The following TSHZ2 variants were observed in gnomAD, a reference collection of about 807,000 sequenced individuals.
TSHZ2 encodes teashirt homolog 2.
A neutral mutation model predicts 74.4 loss-of-function variants in TSHZ2; 21 were observed. The ratio of observed to expected loss-of-function variants is 0.28; its 90% CI spans 0.20 to 0.41. The LOEUF is 0.41. TSHZ2 is among the 10% of genes least tolerant of loss of function. The pLI, the probability that TSHZ2 is intolerant of heterozygous loss-of-function variation, is 1.00. For synonymous variants in TSHZ2, 540 were observed against 515.3 expected, an observed-to-expected ratio of 1.05 and a Z score of -0.65; for missense variants, 1,244 against 1,293.5, an observed-to-expected ratio of 0.96 and a Z score of 0.59.
chr20:53,332,875 ATGCAAAACCTAC>A (rs1041479393), intron 2 of TSHZ2, among the ~76,000 whole-genome samples: 1 of 152,232 alleles, frequency 6.6e-6, no homozygotes, highest in African/African-American at 2.4e-5. Context: ...GAACACTGGC[ATGCAAAACCTAC>A]TGCATCTGGT....
chr20:53,257,639 C>T (rs1316780120), intron 2 of TSHZ2, among the ~76,000 whole-genome samples: 1 of 152,216 alleles, frequency 6.6e-6, no homozygotes. Flanking sequence ...TTTTCTCTCC[C>T]TTCCAGCATG....
At chr20:53,009,268 G>A (rs915921944) in intron 1 of TSHZ2, among the ~76,000 whole-genome samples, 4 of 152,120 alleles carry the variant, frequency 2.6e-5, no homozygotes, top group African/African-American at 4.8e-5. Context: ...AATCAGGGAG[G>A]TTGAGGCTGC....
At chr20:53,230,561 A>G (rs183996104) in intron 1 of TSHZ2, among the ~76,000 whole-genome samples, 1 of 152,298 alleles carries the variant, frequency 6.6e-6, no homozygotes, top group East Asian at 1.9e-4. Context: ...GTTTTCTGTA[A>G]GCAAGAAGGG....
chr20:53,435,599 T>C (rs1038339292), intron 2 of TSHZ2, among the ~76,000 whole-genome samples: 26 of 152,276 alleles, frequency 1.7e-4, no homozygotes, highest in African/African-American at 4.3e-4. Context: ...CTGCAACCTC[T>C]GCCTCCCAGG....
At chr20:53,217,245 A>G (rs960641539) in intron 1 of TSHZ2, among the ~76,000 whole-genome samples, 8 of 152,112 alleles carry the variant, frequency 5.3e-5, no homozygotes, top group African/African-American at 1.9e-4. Context: ...CGATGCCAGC[A>G]CCTGCAGCCT....
At chr20:53,106,615 A>C (rs1600693065) in intron 1 of TSHZ2, among the ~76,000 whole-genome samples, 1 of 150,506 alleles carries the variant, frequency 6.6e-6, no homozygotes. Flanking sequence ...CATGTTAGCC[A>C]GGAGGGTCTC....
At chr20:53,288,265 G>A (rs538158623) in intron 2 of TSHZ2, among the ~76,000 whole-genome samples, 2 of 152,160 alleles carry the variant, frequency 1.3e-5, no homozygotes, top group Admixed American at 6.5e-5. Context: ...TTAGCCAGGT[G>A]TGGTGGCAGA....
chr20:53,447,801 C>CTCGG (rs1477718582), intron 2 of TSHZ2, among the ~76,000 whole-genome samples: 2 of 152,194 alleles, frequency 1.3e-5, no homozygotes, highest in African/African-American at 4.8e-5. Context: ...GTGCTCTCTC[C>CTCGG]TCGGTGCCTC....
At position 52,972,546 on chromosome 20, in the gene TSHZ2, G is replaced by C. The variant is rs1981150025; in HGVS notation, c.-748G>C. ...TGTCTGTGTGTGTGTCTGTGTGTGT[G>C]TGTGAGTGAGTGAATTCCAGATTTT... On this transcript the variant is annotated 5_prime_UTR_variant, in exon 1 of 3. Transcript: ENST00000371497. 1 of 153,292 alleles carries C rather than the reference G, an allele frequency of 6.5e-6. No individual in the cohort carries two copies. The highest frequency in any genetic ancestry group is 2.1e-4 in the South Asian group (1 of 4,842). 9.5% of individuals were successfully genotyped at this position (153,292 alleles called of 1,614,324 possible). A position where few individuals can be genotyped will look rare whatever the true frequency, so the allele number is the denominator to read the frequency against.
chr20:53,450,481 A>C (rs1024711383), intron 2 of TSHZ2, among the ~76,000 whole-genome samples: 2 of 152,196 alleles, frequency 1.3e-5, no homozygotes, highest in Non-Finnish European at 2.9e-5. Context: ...TGATTTCATA[A>C]GGCATTATCA....
chr20:53,202,983 C>G (rs890823420), intron 1 of TSHZ2, among the ~76,000 whole-genome samples: 2 of 152,124 alleles, frequency 1.3e-5, no homozygotes, highest in Non-Finnish European at 2.9e-5. Context: ...ATGAATCATA[C>G]GTAGGCAGAT....
At chr20:53,328,116 GGTGCTCACCCTTAGA>G (rs1488857262) in intron 2 of TSHZ2, among the ~76,000 whole-genome samples, 2 of 152,128 alleles carry the variant, frequency 1.3e-5, no homozygotes, top group African/African-American at 2.4e-5. Context: ...ACCTGACAAT[GGTGCTCACCCTTAGA>G]GTCCAACACA....
intron 2 of TSHZ2, among the ~76,000 whole-genome samples, chr20:53,453,845 A>C (rs1984924223): frequency 6.6e-6 from 1 of 152,178 alleles, no homozygotes; most frequent in Non-Finnish European, 1.5e-5. Context: ...ATCAGGCTAC[A>C]TGTTTGGGAC....
intron 1 of TSHZ2, among the ~76,000 whole-genome samples, chr20:53,052,711 G>T (rs1439537200): frequency 6.6e-6 from 1 of 152,096 alleles, no homozygotes; most frequent in Non-Finnish European, 1.5e-5. Context: ...GGACACATGG[G>T]TTACTTCCAC....
In TSHZ2 at chr20:53,325,293, T is replaced by C. The variant is rs1255492667; in HGVS notation, c.*8+68722T>C. The stretch of plus-strand genomic sequence containing the variant: ...ACATCTCTGAGGGGAGGGCTTGATT[T>C]AACTAGGGTATTGATTTAACAGGGA... On this transcript the variant is annotated intron_variant, in intron 2 of 2. Coordinates refer to ENST00000371497, the MANE Select transcript of TSHZ2 (RefSeq NM_173485.6). Among the ~76,000 whole-genome samples the C allele has an allele frequency of 8.5e-5, 13 of 152,228 alleles. 2 individuals carry two copies. The highest frequency in any genetic ancestry group is 8.5e-4 in the Admixed American group (13 of 15,280).
intron 2 of TSHZ2, among the ~76,000 whole-genome samples, chr20:53,291,132 A>G (rs947856129): frequency 3.3e-5 from 5 of 152,202 alleles, no homozygotes; most frequent in East Asian, 1.9e-4. Context: ...AAGGTCACCA[A>G]TTCACGGTGA....
At chr20:53,203,229 C>T (rs2123580962) in intron 1 of TSHZ2, among the ~76,000 whole-genome samples, 1 of 144,182 alleles carries the variant, frequency 6.9e-6, no homozygotes, top group Admixed American at 7.1e-5. Flanking sequence ...GAGTCTCACT[C>T]TGTTGCCCAG....
intron 2 of TSHZ2, among the ~76,000 whole-genome samples, chr20:53,467,228 AT>A (rs1357716617): frequency 6.6e-6 from 1 of 152,136 alleles, no homozygotes; most frequent in Non-Finnish European, 1.5e-5. Context: ...AAAGGGAAAA[AT>A]TTTCTTAGCT....
chr20:53,207,673 T>G, intron 1 of TSHZ2, among the ~76,000 whole-genome samples: 1 of 151,128 alleles, frequency 6.6e-6, no homozygotes, highest in African/African-American at 2.5e-5. Flanking sequence ...TTCTTTTTTA[T>G]TTTATTTTTT....
Sources: gnomAD v4.1 joint callset for allele counts (sites outside exome capture counted in the v4.1 genomes callset) on GRCh38, gnomAD v4.1.1 for gene constraint, MANE v1.5 for transcripts, NCBI Gene and HGNC (gene_info 2026-07-23, HGNC 2026-07-21) for gene names.